SGSM1: variants seen among roughly 807,000 people sequenced by gnomAD.
SGSM1 encodes small G protein signaling modulator 1.
A neutral mutation model predicts 133.8 loss-of-function variants in SGSM1; 73 were observed. That is an observed-to-expected ratio of 0.55 (90% confidence interval 0.45 to 0.66). The LOEUF (loss-of-function observed/expected upper bound fraction) is 0.66, where lower values mean the gene tolerates loss of function less well. Ranked by LOEUF, SGSM1 falls within the 30% of genes least tolerant of loss-of-function variation. The pLI is 0.00. For missense variants in SGSM1, 1,213 were observed against 1,448.1 expected, an observed-to-expected ratio of 0.84 and a Z score of 2.64; for synonymous variants, 563 against 573.0, an observed-to-expected ratio of 0.98 and a Z score of 0.25.
At chr22:24,921,927 C>G (rs995811652) in intron 24 of SGSM1, among the ~76,000 whole-genome samples, 5 of 151,968 alleles carry the variant, frequency 3.3e-5, no homozygotes, top group Non-Finnish European at 7.4e-5. Context: ...TCTCAGACTC[C>G]CAACCTCAGG....
chr22:24,838,023 T>G (rs962057352), intron 2 of SGSM1, among the ~76,000 whole-genome samples: 1 of 152,232 alleles, frequency 6.6e-6, no homozygotes, highest in Non-Finnish European at 1.5e-5. Flanking sequence ...CCACACAATG[T>G]CATGAAGCTT....
At chr22:24,865,665 A>C (rs1179246850) in intron 9 of SGSM1, among the ~76,000 whole-genome samples, 1 of 152,158 alleles carries the variant, frequency 6.6e-6, no homozygotes, top group Non-Finnish European at 1.5e-5. Context: ...GCAGACACCA[A>C]GACAGGATTG....
In SGSM1 at chr22:24,806,593, A is replaced by T; in HGVS notation, c.63+109A>T. Reference sequence around the variant, plus strand: ...CTCTGGCGGCGGGGGGGCGGCCAGAACAGGTGTGGGGCTCACCTGGGTGGG... The same window carrying T: ...CTCTGGCGGCGGGGGGGCGGCCAGATCAGGTGTGGGGCTCACCTGGGTGGG... On this transcript the variant is annotated intron_variant, in intron 2 of 24. Transcript: ENST00000400358. The T allele has an allele frequency of 2.3e-6, 3 of 1,332,064 alleles. No individual in the cohort carries two copies. In the Middle Eastern group the frequency reaches 6.2e-4, roughly 275 times the overall value. The allele number at this position is 1,332,064 out of a possible 1,614,324, so 82.5% of individuals were successfully genotyped here.
At chr22:24,850,555 T>A (rs990092706) in intron 5 of SGSM1, 123 bp downstream of exon 5, 6 of 1,353,044 alleles carry the variant, frequency 4.4e-6, no homozygotes, top group Non-Finnish European at 4.0e-6. Context: ...AATTTGAAAG[T>A]GATTAAATGC....
chr22:24,903,615 T>C (rs1354518862), intron 20 of SGSM1, among the ~76,000 whole-genome samples: 1 of 152,190 alleles, frequency 6.6e-6, no homozygotes, highest in African/African-American at 2.4e-5. Context: ...GACTCCTCCC[T>C]GGTTAAGGCA....
At chr22:24,861,238 A>G (rs1311516359) in intron 9 of SGSM1, among the ~76,000 whole-genome samples, 1 of 150,704 alleles carries the variant, frequency 6.6e-6, no homozygotes, top group Admixed American at 6.6e-5. Context: ...CTGTAATCCC[A>G]GCTACTCAGG....
At chr22:24,862,458 T>C (rs1438507337) in intron 9 of SGSM1, among the ~76,000 whole-genome samples, 4 of 152,204 alleles carry the variant, frequency 2.6e-5, no homozygotes, top group African/African-American at 9.6e-5. Flanking sequence ...GTACCTACCA[T>C]CTTGCCCTCG....
At position 24,815,690 on chromosome 22, in the gene SGSM1, G is replaced by C. The variant is rs552158892; in HGVS notation, c.63+9206G>C. ...AACCTGGGAAGCAGAGCTTGGCAGT[G>C]AGACGAGATGGCGCCACTGGAGGGC... On this transcript the variant is annotated intron_variant, in intron 2 of 24. Coordinates refer to ENST00000400358, the MANE Select transcript of SGSM1 (RefSeq NM_001098497.3). Among the ~76,000 whole-genome samples, 25 of 152,340 alleles carry C rather than the reference G, an allele frequency of 1.6e-4. 1 individual carries two copies. The highest frequency in any genetic ancestry group is 3.4e-3 in the Middle Eastern group (1 of 294).
chr22:24,818,535 T>C (rs552685560), intron 2 of SGSM1, among the ~76,000 whole-genome samples: 2 of 151,708 alleles, frequency 1.3e-5, no homozygotes, highest in South Asian at 2.1e-4. Flanking sequence ...ATCCGGCTAA[T>C]TTTTGTATTT....
intron 2 of SGSM1, among the ~76,000 whole-genome samples, chr22:24,821,938 T>C (rs1928495787): frequency 6.6e-6 from 1 of 151,984 alleles, no homozygotes; most frequent in African/African-American, 2.4e-5. Context: ...TCCCTCAGAG[T>C]CTGCAGTTGA....
intron 2 of SGSM1, among the ~76,000 whole-genome samples, chr22:24,820,450 G>A (rs553881846): frequency 2.0e-5 from 3 of 152,276 alleles, no homozygotes; most frequent in East Asian, 1.9e-4. Flanking sequence ...CCAAGTTAGC[G>A]GTGTTTGCTT....
intron 21 of SGSM1, among the ~76,000 whole-genome samples, chr22:24,905,424 A>G (rs909146640): frequency 3.9e-5 from 6 of 152,082 alleles, no homozygotes; most frequent in African/African-American, 1.4e-4. Context: ...AATATGAATG[A>G]GAACAAACAA....
rs768682691 is a variant in SGSM1 at position 24,926,346 on chromosome 22, C to G, written c.*2072C>G. ...CGGCTCCCAGCTCCTACCCTACCCC[C>G]ACCAAAGCAGAAACGGGAGACGGCA... is the stretch of plus-strand genomic sequence containing the variant. On this transcript the variant is annotated 3_prime_UTR_variant, in exon 25 of 25. Coordinates refer to ENST00000400358, the MANE Select transcript of SGSM1 (RefSeq NM_001098497.3). 1 of 152,190 alleles carries G rather than the reference C, an allele frequency of 6.6e-6. No individual in the cohort carries two copies. The highest frequency in any genetic ancestry group is 2.4e-5 in the African/African-American group (1 of 41,438). The allele number at this position is 152,190 out of a possible 1,614,324, so 9.4% of individuals were successfully genotyped here.
At chr22:24,889,959 A>C (rs867232374) in intron 16 of SGSM1, among the ~76,000 whole-genome samples, 47 of 121,154 alleles carry the variant, frequency 3.9e-4, no homozygotes, top group South Asian at 3.4e-3. Context: ...CCTTAAATGG[A>C]TTTTTTTTTT....
At chr22:24,878,282 A>G (rs1932133220) in intron 13 of SGSM1, among the ~76,000 whole-genome samples, 1 of 152,150 alleles carries the variant, frequency 6.6e-6, no homozygotes, top group Admixed American at 6.5e-5. Context: ...GACCAGTGAG[A>G]AAGGCTGCTA....
Position 24,806,318 on chromosome 22 carries a change from T to C in SGSM1, c.-8T>C, listed in dbSNP as rs1927377662. 2 of 1,459,018 alleles carry C rather than the reference T, an allele frequency of 1.4e-6. No homozygotes were observed. Among genetic ancestry groups the C allele is most frequent in the Non-Finnish European group, 1.8e-6 (2 of 1,108,954 alleles). The allele number at this position is 1,459,018 out of a possible 1,614,324, so 90.4% of individuals were successfully genotyped here. On this transcript the variant is annotated 5_prime_UTR_variant, in exon 1 of 25. Transcript: ENST00000400358. ...CCTCCTGGGACTCGGAACGCAGCGC[T>C]CGGAGCCATGGCCTCGGCCCCCGCG...
At chr22:24,833,092 G>A (rs1417978574) in intron 2 of SGSM1, among the ~76,000 whole-genome samples, 2 of 151,640 alleles carry the variant, frequency 1.3e-5, no homozygotes, top group African/African-American at 4.8e-5. Context: ...CCACCACCAC[G>A]CCCGGCTAAT....
intron 2 of SGSM1, among the ~76,000 whole-genome samples, chr22:24,819,011 C>T (rs1184861438): frequency 2.0e-5 from 3 of 151,666 alleles, no homozygotes; most frequent in East Asian, 2.0e-4. Flanking sequence ...CTCGGTGTGG[C>T]GGTGTGTGCC....
Position 24,806,226 on chromosome 22 carries a change from C to T in SGSM1, c.-100C>T, listed in dbSNP as rs1927361564. The T allele has an allele frequency of 7.8e-7, 1 of 1,289,258 alleles. No individual in the cohort carries two copies. The highest frequency in any genetic ancestry group is 2.4e-5 in the South Asian group (1 of 42,032). The allele number at this position is 1,289,258 out of a possible 1,614,324, so 79.9% of individuals were successfully genotyped here. A position where few individuals can be genotyped will look rare whatever the true frequency, so the allele number is the denominator to read the frequency against. On this transcript the variant is annotated 5_prime_UTR_variant, in exon 1 of 25. Transcript: ENST00000400358. ...TCCGGCCGTCACTCAGCGCTCGGCC[C>T]CGCCCCGCCGCGGCTGCAGCAGCAG... is the stretch of plus-strand genomic sequence containing the variant.
Sources: allele counts gnomAD v4.1 joint callset (sites outside exome capture counted in the v4.1 genomes callset), GRCh38; gene constraint gnomAD v4.1.1; transcripts MANE v1.5; gene names NCBI Gene and HGNC (gene_info 2026-07-23, HGNC 2026-07-21).